L3MBTL2: variants seen among roughly 807,000 people sequenced by gnomAD.
The protein encoded by L3MBTL2 is lethal(3)malignant brain tumor-like protein 2.
In L3MBTL2, 49 loss-of-function variants were observed where a neutral mutation model predicts 86.4. That is an observed-to-expected ratio of 0.57 (90% CI 0.45 to 0.72). The LOEUF (loss-of-function observed/expected upper bound fraction) is 0.72. Among genes scored for constraint, L3MBTL2 ranks in the 30% least tolerant of loss-of-function variants. L3MBTL2 has a pLI of 0.00. For synonymous variants in L3MBTL2, 336 were observed against 350.6 expected (o/e 0.96, Z 0.47); for missense variants, 755 against 923.7 (o/e 0.82, Z 2.37).
At chr22:41,221,406 C>T (rs1263851683) in intron 8 of L3MBTL2, 119 bp downstream of exon 8, 3 of 851,306 alleles carry the variant, frequency 3.5e-6, no homozygotes, top group Non-Finnish European at 3.8e-6. Flanking sequence ...TTCAGCAGCT[C>T]CACATTTTGC....
intron 5 of L3MBTL2, chr22:41,217,554 CTGGGCCCCG>C (rs1378237398): frequency 8.4e-6 from 2 of 238,464 alleles, no homozygotes; most frequent in South Asian, 5.0e-5. Context: ...TGTAGCTGGC[CTGGGCCCCG>C]TGGGCCCCGA....
intron 2 of L3MBTL2, among the ~76,000 whole-genome samples, chr22:41,210,362 C>G (rs1409308342): frequency 6.6e-6 from 1 of 152,122 alleles, no homozygotes; most frequent in Non-Finnish European, 1.5e-5. Context: ...CGGAGTCTCG[C>G]TCTGTTGCCT....
At chr22:41,215,671 T>C (rs1461572122) in intron 3 of L3MBTL2, among the ~76,000 whole-genome samples, 1 of 152,158 alleles carries the variant, frequency 6.6e-6, no homozygotes, top group Non-Finnish European at 1.5e-5. Context: ...CATTCGCCTA[T>C]GTGGACCCTC....
chr22:41,217,494 C>T (rs1185542477), intron 5 of L3MBTL2: 5 of 330,572 alleles, frequency 1.5e-5, no homozygotes, highest in Admixed American at 1.4e-4. Flanking sequence ...AAACCCTTCT[C>T]TCCTTTCTCC....
intron 1 of L3MBTL2, chr22:41,205,970 C>T (rs1422737776): frequency 6.5e-6 from 1 of 153,240 alleles, no homozygotes; most frequent in East Asian, 1.9e-4. Context: ...TGTACTGCAA[C>T]CTGGAACCCA....
chr22:41,220,878 T>A lies in L3MBTL2; in HGVS notation c.853+10T>A, dbSNP rs1411455673. ...CTAGTGCCCCCACGGAGTGAGTTGATGAGAACATTTCCTCTCTTGTTCCCG... is the reference window on the plus strand; with the variant it reads ...CTAGTGCCCCCACGGAGTGAGTTGAAGAGAACATTTCCTCTCTTGTTCCCG... On this transcript the variant is annotated intron_variant, in intron 7 of 16. Transcript: ENST00000216237. 1 of 1,610,658 alleles carries A rather than the reference T, an allele frequency of 6.2e-7. No individual in the cohort carries two copies. Among genetic ancestry groups the A allele is most frequent in the Admixed American group, 1.7e-5 (1 of 59,902 alleles).
chr22:41,212,624 G>A (rs922311348), intron 2 of L3MBTL2, among the ~76,000 whole-genome samples: 2 of 152,064 alleles, frequency 1.3e-5, no homozygotes, highest in African/African-American at 4.8e-5. Flanking sequence ...GGCCAGGCAT[G>A]GTGGCTCACG....
intron 5 of L3MBTL2, 30 bp from the exon 6 acceptor site, chr22:41,219,389 C>T (rs1201807576): frequency 2.7e-5 from 41 of 1,536,296 alleles, no homozygotes; most frequent in Non-Finnish European, 3.6e-5. Flanking sequence ...AGTTAGCTCA[C>T]TCTCTCGGTA....
Position 41,227,712 on chromosome 22 carries a change from G to A in L3MBTL2, c.1823-92G>A. ...TTCCTGTCTTGGGGTGTCTCGTGTGGGAGGGTGGATGGGGTCTCGGGATGC... is the reference window on the plus strand; with the variant it reads ...TTCCTGTCTTGGGGTGTCTCGTGTGAGAGGGTGGATGGGGTCTCGGGATGC... On this transcript the variant is annotated intron_variant, in intron 14 of 16. Transcript: ENST00000216237. The surrounding 1 kb of genome is among the most constrained non-coding windows in gnomAD (Gnocchi z 6.0). 1.9e-6 allele frequency: 3 copies of A among 1,604,134 alleles called. No homozygotes were observed. Among genetic ancestry groups the A allele is most frequent in the Non-Finnish European group, 2.6e-6 (3 of 1,174,350 alleles).
chr22:41,223,168 G>T (rs148057912), intron 8 of L3MBTL2, among the ~76,000 whole-genome samples: 4 of 152,220 alleles, frequency 2.6e-5, no homozygotes, highest in Non-Finnish European at 4.4e-5. Flanking sequence ...TAGGACCCCT[G>T]TGTCAGCTTT....
chr22:41,206,734 G>A (rs2030247819), intron 1 of L3MBTL2, among the ~76,000 whole-genome samples: 1 of 151,822 alleles, frequency 6.6e-6, no homozygotes. Flanking sequence ...GGGAGGCGGA[G>A]CTTGCAGTGA....
At chr22:41,207,331 C>A (rs1385118502) in intron 1 of L3MBTL2, among the ~76,000 whole-genome samples, 4 of 148,336 alleles carry the variant, frequency 2.7e-5, no homozygotes, top group Non-Finnish European at 5.9e-5. Context: ...GCAGCCTTGA[C>A]CTCCCTGGCT....
rs746293284 is a variant in L3MBTL2 at position 41,227,550 on chromosome 22, T to C, written c.1822+227T>C. On this transcript the variant is annotated intron_variant, in intron 14 of 16. Transcript: ENST00000216237. The surrounding 1 kb of genome is among the most constrained non-coding windows in gnomAD (Gnocchi z 6.0). ...TTCCTTCATCTTGCCCACTCTGTCATATGTTCGTGCCCTTGTGCACCCAGG... is the reference window on the plus strand; with the variant it reads ...TTCCTTCATCTTGCCCACTCTGTCACATGTTCGTGCCCTTGTGCACCCAGG... The C allele has an allele frequency of 1.4e-5, 21 of 1,522,864 alleles. No individual in the cohort carries two copies. In the South Asian group the frequency reaches 2.3e-4, roughly 17 times the overall value. The allele number at this position is 1,522,864 out of a possible 1,614,324, so 94.3% of individuals were successfully genotyped here.
At position 41,229,608 on chromosome 22, in the gene L3MBTL2, G is replaced by C; in HGVS notation, c.1957G>C (p.Asp653His). Residue 653 changes from aspartate to histidine, a missense_variant, in exon 16 of 17, where the codon GAC becomes CAC. Physicochemically the swap from Asp to His is moderately conservative, Grantham distance 81. Coordinates refer to ENST00000216237, the MANE Select transcript of L3MBTL2 (RefSeq NM_031488.5). Reference protein sequence around the residue: ...QGSKKPLLEDDPQGARKISSE... With the variant: ...QGSKKPLLEDHPQGARKISSE... ...GTCCAAGAAGCCCCTGCTGGAGGAC[G>C]ACCCTCAGGGTGCCAGGAAGATCTC... 7 of 1,613,802 alleles carry C rather than the reference G, an allele frequency of 4.3e-6. No homozygotes were observed. The highest frequency in any genetic ancestry group is 5.9e-6 in the Non-Finnish European group (7 of 1,179,854).
At chr22:41,221,545 C>T (rs765333541) in intron 8 of L3MBTL2, among the ~76,000 whole-genome samples, 24 of 152,214 alleles carry the variant, frequency 1.6e-4, no homozygotes, top group Admixed American at 5.9e-4. Context: ...TTTGCTCTTC[C>T]GGAACCTTAC....
intron 5 of L3MBTL2, 45 bp downstream of exon 5, chr22:41,217,247 T>A: frequency 6.8e-7 from 1 of 1,472,392 alleles, no homozygotes; most frequent in Non-Finnish European, 9.4e-7. Flanking sequence ...GAGCCGGGCC[T>A]GGAGCTGCTC....
At chr22:41,230,002 C>T in intron 16 of L3MBTL2, 137 bp from the exon 17 acceptor site, 1 of 720,310 alleles carries the variant, frequency 1.4e-6, no homozygotes, top group Admixed American at 2.5e-5. Context: ...ACTGCCCTCC[C>T]AGAAGGGAAG....
intron 15 of L3MBTL2, chr22:41,228,140 G>A (rs1023514808): frequency 1.4e-5 from 14 of 985,488 alleles, no homozygotes; most frequent in Non-Finnish European, 1.7e-5. Context: ...AGAGATTGAG[G>A]TTGGGGGATC....
chr22:41,224,285 C>A lies in L3MBTL2; in HGVS notation c.1174+34C>A. On this transcript the variant is annotated intron_variant, in intron 9 of 16. Transcript: ENST00000216237. This position sits in a 1 kb window ranked among gnomAD's most constrained non-coding sequence, Gnocchi z 4.9. ...AGCCCCAGGCCAGAGGGACTGCATGCTGTGCTTCCCCAGGGACGGAGTGGG... is the reference window on the plus strand; with the variant it reads ...AGCCCCAGGCCAGAGGGACTGCATGATGTGCTTCCCCAGGGACGGAGTGGG... The A allele has an allele frequency of 6.4e-7, 1 of 1,551,552 alleles. No individual in the cohort carries two copies. Among genetic ancestry groups the A allele is most frequent in the Non-Finnish European group, 8.9e-7 (1 of 1,128,252 alleles).
Sources: gnomAD v4.1 joint callset for allele counts (sites outside exome capture counted in the v4.1 genomes callset) on GRCh38, gnomAD v4.1.1 for gene constraint, Gnocchi (gnomAD v3.1) non-coding constraint, MANE v1.5 for transcripts, NCBI Gene and HGNC (gene_info 2026-07-23, HGNC 2026-07-21) for gene names.